Variants in CD300LB observed in about 807,000 individuals in gnomAD.
The protein encoded by CD300LB is CMRF35-like molecule 7.
Under a neutral mutation model 20.8 loss-of-function variants are expected in CD300LB, and 18 were observed. The observed-to-expected ratio is 0.87, with a 90% CI of 0.60 to 1.28. CD300LB has a LOEUF of 1.28. CD300LB is among the 50% of genes most tolerant of loss of function. The pLI is 0.00. For synonymous variants in CD300LB, 91 were observed against 91.3 expected (o/e 1.00, Z 0.02); for missense variants, 222 against 251.8 (o/e 0.88, Z 0.80).
intron 1 of CD300LB, among the ~76,000 whole-genome samples, chr17:74,529,785 G>A (rs369674477): frequency 2.0e-5 from 3 of 152,108 alleles, no homozygotes; most frequent in East Asian, 1.9e-4. Context: ...GTGAAACTCC[G>A]TCTCAAAAAC....
In CD300LB at chr17:74,522,266, C is replaced by T; in HGVS notation, c.*472G>A. 2.0e-6 allele frequency: 2 copies of T among 986,870 alleles called. No homozygotes were observed. Among genetic ancestry groups the T allele is most frequent in the East Asian group, 1.1e-4 (1 of 8,822 alleles). 61.1% of individuals were successfully genotyped at this position (986,870 alleles called of 1,614,324 possible). A position where few individuals can be genotyped will look rare whatever the true frequency, so the allele number is the denominator to read the frequency against. On this transcript the variant is annotated 3_prime_UTR_variant, in exon 4 of 4. Coordinates refer to ENST00000392621, the MANE Select transcript of CD300LB (RefSeq NM_174892.4). ...TTGTGTGTGGGATCAGAGAGGTTTC[C>T]TATGAACATAAGTCATTAAAACCCA...
chr17:74,526,738 G>T (rs1425031750), intron 1 of CD300LB, among the ~76,000 whole-genome samples: 2 of 152,096 alleles, frequency 1.3e-5, no homozygotes, highest in African/African-American at 4.8e-5. Context: ...AAAAAAATCT[G>T]GTTTTAATAT....
In CD300LB at chr17:74,522,799, G is replaced by C. The variant is rs751843368; in HGVS notation, c.545C>G (p.Pro182Arg). 5 of 1,614,116 alleles carry C rather than the reference G, an allele frequency of 3.1e-6. No homozygotes were observed. The highest frequency in any genetic ancestry group is 2.2e-5 in the East Asian group (1 of 44,876). Residue 182 changes from proline to arginine, a missense_variant, in exon 4 of 4, where the codon CCA becomes CGA. By Grantham distance (103) the Pro-to-Arg change is moderately radical. Transcript: ENST00000392621. ...GTTCATGTAGATAGGCTGTTCCCCT[G>C]GCTCCTCAGGGACCCTCTGAGACCC... Reference protein sequence around the residue: ...LKGSQRVPEEPGEQPIYMNFS... With the variant: ...LKGSQRVPEERGEQPIYMNFS...
intron 1 of CD300LB, among the ~76,000 whole-genome samples, chr17:74,526,511 G>C (rs867031801): frequency 6.6e-6 from 1 of 152,192 alleles, no homozygotes; most frequent in South Asian, 2.1e-4. Flanking sequence ...TCAGGAGTTC[G>C]AGACCTGCAT....
At chr17:74,523,807 T>C (rs1044901091) in intron 2 of CD300LB, among the ~76,000 whole-genome samples, 156 bp from the exon 3 acceptor site, 1 of 152,168 alleles carries the variant, frequency 6.6e-6, no homozygotes, top group African/African-American at 2.4e-5. Flanking sequence ...ATGCTTCTAC[T>C]GAGTCACTTC....
rs913166172 is a variant in CD300LB, at chr17:74,522,533, G to C, written c.*205C>G. On this transcript the variant is annotated 3_prime_UTR_variant, in exon 4 of 4. Transcript: ENST00000392621. ...AAGAGAACAGGTGCTGGCACCCCAGGAGGTGATGGTGGCTCAGGAGAGGAC... is the reference window on the plus strand; with the variant it reads ...AAGAGAACAGGTGCTGGCACCCCAGCAGGTGATGGTGGCTCAGGAGAGGAC... 8 of 1,359,510 alleles carry C rather than the reference G, an allele frequency of 5.9e-6. No individual in the cohort carries two copies. The African/African-American group carries it at 1.0e-4, about 17-fold the overall frequency. The allele number at this position is 1,359,510 out of a possible 1,614,324, so 84.2% of individuals were successfully genotyped here. A position where few individuals can be genotyped will look rare whatever the true frequency, so the allele number is the denominator to read the frequency against.
chr17:74,525,369 G>T (rs1434510655), intron 2 of CD300LB, among the ~76,000 whole-genome samples: 1 of 152,106 alleles, frequency 6.6e-6, no homozygotes, highest in African/African-American at 2.4e-5. Flanking sequence ...GCTACTCTGG[G>T]TTGGTGCAGT....
chr17:74,525,824 G>T lies in CD300LB; in HGVS notation c.294C>A (p.Asp98Glu), dbSNP rs370755274. The T allele has an allele frequency of 6.2e-7, 1 of 1,614,142 alleles. No individual in the cohort carries two copies. Among genetic ancestry groups the T allele is most frequent in the Non-Finnish European group, 8.5e-7 (1 of 1,180,038 alleles). The change falls in exon 2 of 4, where the codon GAC becomes GAA. Residue 98 changes from aspartate to glutamate, a missense_variant. Physicochemically the swap from Asp to Glu is conservative, Grantham distance 45. Transcript: ENST00000392621. ...CAATCCCACACCAGTAAACATCTGC[G>T]TCATCTCGCCTGAGCCCCTCCATGG... ...TVTMEGLRRD[D>E]ADVYWCGIER...
In CD300LB at chr17:74,524,376, G is replaced by A. The variant is rs142036832; in HGVS notation, c.371-725C>T. The stretch of plus-strand genomic sequence containing the variant: ...GACCAAGGGAGGCAGATCGCTTGAG[G>A]CCAGGAGTTTGAAACCAGCCTGGGC... On this transcript the variant is annotated intron_variant, in intron 2 of 3. Coordinates refer to ENST00000392621, the MANE Select transcript of CD300LB (RefSeq NM_174892.4). Among the ~76,000 whole-genome samples the A allele has an allele frequency of 2.0e-4, 30 of 152,244 alleles. 1 individual carries two copies. In the East Asian group the frequency reaches 5.2e-3, roughly 26 times the overall value.
intron 1 of CD300LB, among the ~76,000 whole-genome samples, chr17:74,527,653 T>G (rs1230970368): frequency 6.6e-6 from 1 of 152,160 alleles, no homozygotes; most frequent in Non-Finnish European, 1.5e-5. Context: ...ATGGATATTC[T>G]AAGTGAAAGA....
In CD300LB at chr17:74,522,900, C is replaced by T. The variant is rs1907925828; in HGVS notation, c.444G>A (p.Arg148=). ...CAAATACCAGGAGCATGTAGTGGTT[C>T]CTGGGGAAGGGGATGCAGTGGTCAG... ...NMAVFIGSHK[R]NHYMLLVFVK... is the part of the protein sequence containing the mutation. The change falls in exon 4 of 4, where the codon AGG becomes AGA. Residue 148 remains arginine (R), a splice_region_variant and synonymous_variant. Transcript: ENST00000392621. 1 of 1,613,314 alleles carries T rather than the reference C, an allele frequency of 6.2e-7. No individual in the cohort carries two copies. Among genetic ancestry groups the T allele is most frequent in the Non-Finnish European group, 8.5e-7 (1 of 1,179,930 alleles).
intron 1 of CD300LB, among the ~76,000 whole-genome samples, chr17:74,527,785 C>T (rs1465806819): frequency 6.6e-6 from 1 of 152,166 alleles, no homozygotes; most frequent in Non-Finnish European, 1.5e-5. Context: ...ACAGATTCTC[C>T]CCTAGAATAG....
intron 1 of CD300LB, among the ~76,000 whole-genome samples, chr17:74,527,223 G>A (rs1908062704): frequency 1.3e-5 from 2 of 152,226 alleles, no homozygotes; most frequent in South Asian, 4.1e-4. Flanking sequence ...ATGGCAGTCC[G>A]TGCCTCCGCT....
chr17:74,527,069 T>C (rs1361337188), intron 1 of CD300LB, among the ~76,000 whole-genome samples: 2 of 152,264 alleles, frequency 1.3e-5, no homozygotes, highest in Non-Finnish European at 1.5e-5. Flanking sequence ...CCACCCCAGA[T>C]TCCTTCGTTG....
At chr17:74,530,476 C>G (rs1016623413) in intron 1 of CD300LB, among the ~76,000 whole-genome samples, 1 of 151,954 alleles carries the variant, frequency 6.6e-6, no homozygotes, top group Non-Finnish European at 1.5e-5. Flanking sequence ...TCCAAGACAT[C>G]CTGCACACTG....
At chr17:74,527,767 G>C (rs575945281) in intron 1 of CD300LB, among the ~76,000 whole-genome samples, 2 of 152,326 alleles carry the variant, frequency 1.3e-5, no homozygotes, top group African/African-American at 4.8e-5. Context: ...GCTGGAAAAT[G>C]CAGGGAAACA....
intron 1 of CD300LB, among the ~76,000 whole-genome samples, chr17:74,527,221 C>T (rs908456398): frequency 6.6e-6 from 1 of 152,352 alleles, no homozygotes; most frequent in African/African-American, 2.4e-5. Flanking sequence ...AAATGGCAGT[C>T]CGTGCCTCCG....
chr17:74,521,853 C>A lies in CD300LB; in HGVS notation c.*885G>T. The stretch of plus-strand genomic sequence containing the variant: ...GGGTGAAGCCTGTGAGGAGACAGAA[C>A]CACTTCCCTAGGACAGTTTTCATTA... On this transcript the variant is annotated 3_prime_UTR_variant, in exon 4 of 4. Transcript: ENST00000392621. 1 of 985,480 alleles carries A rather than the reference C, an allele frequency of 1.0e-6. No homozygotes were observed. Among genetic ancestry groups the A allele is most frequent in the Non-Finnish European group, 1.2e-6 (1 of 829,958 alleles). The allele number at this position is 985,480 out of a possible 1,614,324, so 61.0% of individuals were successfully genotyped here. A position where few individuals can be genotyped will look rare whatever the true frequency, so the allele number is the denominator to read the frequency against.
intron 1 of CD300LB, among the ~76,000 whole-genome samples, chr17:74,530,185 G>A (rs768136844): frequency 4.6e-5 from 7 of 152,134 alleles, no homozygotes; most frequent in Admixed American, 1.3e-4. Context: ...TTGTCCCTCC[G>A]TGGACTGCTC....
Sources: gnomAD v4.1 joint callset for allele counts (sites outside exome capture counted in the v4.1 genomes callset) on GRCh38, gnomAD v4.1.1 for gene constraint, MANE v1.5 for transcripts, NCBI Gene and HGNC (gene_info 2026-07-23, HGNC 2026-07-21) for gene names.